PCSK5: variants seen among roughly 807,000 people sequenced by gnomAD.
PCSK5 encodes prohormone convertase 5.
PCSK5 carries 129 observed loss-of-function variants against 233.2 expected under a neutral mutation model. The observed-to-expected ratio is 0.55, with a 90% CI of 0.48 to 0.64. PCSK5 has a LOEUF of 0.64. PCSK5 is among the 30% of genes least tolerant of loss of function. The probability of loss-of-function intolerance (pLI) is 0.00; values close to 1 mark genes in which losing one functional copy is unlikely to be tolerated. For missense variants in PCSK5, 2,076 were observed against 2,430.1 expected, an observed-to-expected ratio of 0.85 and a Z score of 3.06; for synonymous variants, 825 against 879.2, an observed-to-expected ratio of 0.94 and a Z score of 1.09.
chr9:76,357,591 C>T (rs1424712235), intron 37 of PCSK5, among the ~76,000 whole-genome samples: 1 of 152,070 alleles, frequency 6.6e-6, no homozygotes, highest in Admixed American at 6.6e-5. Flanking sequence ...AAAGATAGTA[C>T]TTCTTTTTCT....
At chr9:76,260,468 C>T (rs1374641961) in intron 24 of PCSK5, among the ~76,000 whole-genome samples, 3 of 152,124 alleles carry the variant, frequency 2.0e-5, no homozygotes, top group African/African-American at 4.8e-5. Context: ...GAAAGACAGA[C>T]GAGACAGGAG....
chr9:76,089,381 G>A (rs553477432), intron 7 of PCSK5, among the ~76,000 whole-genome samples: 1 of 152,310 alleles, frequency 6.6e-6, no homozygotes, highest in African/African-American at 2.4e-5. Context: ...GACATATACA[G>A]ATCCAGAGGT....
intron 2 of PCSK5, among the ~76,000 whole-genome samples, chr9:75,977,278 T>C (rs1172515217): frequency 1.3e-5 from 2 of 151,980 alleles, no homozygotes; most frequent in Admixed American, 6.5e-5. Context: ...CTTTGTTACG[T>C]AGGTAAACGT....
At position 75,891,028 on chromosome 9, in the gene PCSK5, C is replaced by T; in HGVS notation, c.-154C>T. 1.9e-6 allele frequency: 1 copy of T among 530,366 alleles called. No homozygotes were observed. Among genetic ancestry groups the T allele is most frequent in the Non-Finnish European group, 3.0e-6 (1 of 331,526 alleles). 32.9% of individuals were successfully genotyped at this position (530,366 alleles called of 1,614,324 possible). On this transcript the variant is annotated 5_prime_UTR_variant, in exon 1 of 38. Transcript: ENST00000674117. ...GTAAGGCTCGCTGCTCTGCTCCCTG[C>T]CGGGGCTAGCCGCCTCCTGCCGATC...
intron 5 of PCSK5, among the ~76,000 whole-genome samples, chr9:76,067,271 T>G (rs1213883160): frequency 1.3e-5 from 2 of 152,230 alleles, no homozygotes; most frequent in Admixed American, 1.3e-4. Context: ...TTTAATTTTC[T>G]AGTATCCACA....
intron 3 of PCSK5, among the ~76,000 whole-genome samples, chr9:76,023,267 C>A (rs1828279543): frequency 1.3e-5 from 2 of 152,166 alleles, no homozygotes; most frequent in South Asian, 4.1e-4. Flanking sequence ...GTTTCACTTG[C>A]TTTTCCCACA....
At chr9:76,118,673 T>G (rs1279651465) in intron 9 of PCSK5, among the ~76,000 whole-genome samples, 1 of 151,990 alleles carries the variant, frequency 6.6e-6, no homozygotes, top group East Asian at 1.9e-4. Context: ...ATATGATGTA[T>G]TATTTTGATA....
intron 20 of PCSK5, among the ~76,000 whole-genome samples, chr9:76,213,685 C>T (rs1393348178): frequency 6.6e-6 from 1 of 152,128 alleles, no homozygotes; most frequent in Admixed American, 6.5e-5. Flanking sequence ...CTCCCTTTGA[C>T]CAGCTGTACC....
At chr9:75,915,133 G>C (rs1164545113) in intron 1 of PCSK5, among the ~76,000 whole-genome samples, 1 of 152,202 alleles carries the variant, frequency 6.6e-6, no homozygotes, top group East Asian at 1.9e-4. Flanking sequence ...GGCATGCATA[G>C]TGATGACTTT....
At chr9:76,045,375 C>T (rs1037234130) in intron 5 of PCSK5, among the ~76,000 whole-genome samples, 16 of 152,264 alleles carry the variant, frequency 1.1e-4, no homozygotes, top group Non-Finnish European at 2.1e-4. Context: ...ACCTTGTTTT[C>T]ACCAGTTGGT....
chr9:76,312,080 G>C (rs1280871325), intron 30 of PCSK5, among the ~76,000 whole-genome samples: 1 of 152,204 alleles, frequency 6.6e-6, no homozygotes, highest in Non-Finnish European at 1.5e-5. Flanking sequence ...GAACATCCAA[G>C]CAACTCAGGA....
intron 1 of PCSK5, among the ~76,000 whole-genome samples, chr9:75,899,547 A>G (rs1272194415): frequency 6.6e-6 from 1 of 151,664 alleles, no homozygotes. Context: ...CCCTCTCCTC[A>G]CCCCGGTAGT....
At chr9:76,292,104 A>T in intron 24 of PCSK5, 129 bp from the exon 25 acceptor site, 1 of 635,954 alleles carries the variant, frequency 1.6e-6, no homozygotes, top group Non-Finnish European at 2.8e-6. Context: ...TTCAAATATT[A>T]TTTCTGGACA....
At chr9:76,128,728 T>G (rs1401521702) in intron 9 of PCSK5, among the ~76,000 whole-genome samples, 2 of 152,180 alleles carry the variant, frequency 1.3e-5, no homozygotes, top group African/African-American at 4.8e-5. Flanking sequence ...CAATAAAACT[T>G]TGTGTGGTCC....
rs376063163 is a variant in PCSK5, at chr9:76,345,918, C to A, written c.4967-4910C>A. Among the ~76,000 whole-genome samples the A allele has an allele frequency of 2.0e-5, 3 of 152,032 alleles. No individual in the cohort carries two copies. In the East Asian group the frequency reaches 5.8e-4, roughly 29 times the overall value. On this transcript the variant is annotated intron_variant, in intron 35 of 37. Transcript: ENST00000674117. ...TATTTTTAGTAGAGACACGGTTTCACCATGTTGGCCAGGCTGGTCTCAAAT... is the reference window on the plus strand; with the variant it reads ...TATTTTTAGTAGAGACACGGTTTCAACATGTTGGCCAGGCTGGTCTCAAAT...
In PCSK5 at chr9:75,983,714, A is replaced by G. The variant is rs552628686; in HGVS notation, c.298-2418A>G. On this transcript the variant is annotated intron_variant, in intron 2 of 37. Coordinates refer to ENST00000674117, the MANE Select transcript of PCSK5 (RefSeq NM_001372043.1). ...ATAATTCCCTTCTCTTAGGCTGACC[A>G]TAGTTTTATGAAAATGAATTTTTAA... Among the ~76,000 whole-genome samples, 7 of 152,352 alleles carry G rather than the reference A, an allele frequency of 4.6e-5. No homozygotes were observed. In the South Asian group the frequency reaches 1.2e-3, roughly 27 times the overall value.
chr9:76,259,111 T>A (rs957898652), intron 24 of PCSK5, among the ~76,000 whole-genome samples: 13 of 152,236 alleles, frequency 8.5e-5, no homozygotes, highest in African/African-American at 3.1e-4. Flanking sequence ...TTCTATAATA[T>A]GTCTGTCTGA....
At chr9:76,193,577 T>A (rs10869729) in intron 20 of PCSK5, 1 of 451,534 alleles carries the variant, frequency 2.2e-6, no homozygotes, top group Non-Finnish European at 3.9e-6. Flanking sequence ...CTACCTTTTA[T>A]AACTGGGTGT....
chr9:76,109,003 G>A (rs1194914437), intron 9 of PCSK5, among the ~76,000 whole-genome samples: 1 of 152,146 alleles, frequency 6.6e-6, no homozygotes, highest in African/African-American at 2.4e-5. Context: ...AAGCTCCCAT[G>A]AATATTTGGA....
Sources: allele counts gnomAD v4.1 joint callset (sites outside exome capture counted in the v4.1 genomes callset), GRCh38; gene constraint gnomAD v4.1.1; transcripts MANE v1.5; gene names NCBI Gene and HGNC (gene_info 2026-07-23, HGNC 2026-07-21).